PALM2AKAP2: variants seen among roughly 807,000 people sequenced by gnomAD.
PALM2AKAP2 encodes the protein PALM2 and AKAP2 fusion, also known as PALM2-AKAP2 fusion protein.
Under a neutral mutation model 71.5 loss-of-function variants are expected in PALM2AKAP2, and 37 were observed. That is an observed-to-expected ratio of 0.52 (90% CI 0.40 to 0.68). The LOEUF (loss-of-function observed/expected upper bound fraction) is 0.68, where lower values mean the gene tolerates loss of function less well. Among genes scored for constraint, PALM2AKAP2 ranks in the 30% least tolerant of loss-of-function variants. The pLI, the probability that PALM2AKAP2 is intolerant of heterozygous loss-of-function variation, is 0.00. For missense variants in PALM2AKAP2, 1,224 were observed against 1,191.8 expected (o/e 1.03, Z -0.40); for synonymous variants, 468 against 478.8 (o/e 0.98, Z 0.29).
intron 1 of PALM2AKAP2, among the ~76,000 whole-genome samples, chr9:110,113,691 C>T (rs1241290476): frequency 1.3e-5 from 2 of 152,068 alleles, no homozygotes; most frequent in South Asian, 2.1e-4. Flanking sequence ...GCCACCACAA[C>T]AGGCTAATTT....
At chr9:110,046,146 A>T (rs1833592945), upstream of PALM2AKAP2, among the ~76,000 whole-genome samples, 1 of 152,232 alleles carries the variant, frequency 6.6e-6, no homozygotes. Context: ...AATTAAAAAC[A>T]GTGTTTACTT....
intron 1 of PALM2AKAP2, among the ~76,000 whole-genome samples, chr9:109,829,950 G>A (rs1564168285): frequency 6.6e-6 from 1 of 152,182 alleles, no homozygotes; most frequent in Admixed American, 6.5e-5. Context: ...TACTTGAATA[G>A]TGTGGGCAAT....
At chr9:110,114,883 G>T (rs1349688603) in intron 1 of PALM2AKAP2, among the ~76,000 whole-genome samples, 3 of 152,190 alleles carry the variant, frequency 2.0e-5, no homozygotes, top group Non-Finnish European at 1.5e-5. Flanking sequence ...CCACAGTCGG[G>T]CAGAGAGATT....
At chr9:109,677,667 CAAAA>C (rs33952632) in intron 1 of PALM2AKAP2, among the ~76,000 whole-genome samples, 7 of 98,640 alleles carry the variant, frequency 7.1e-5, no homozygotes, top group Non-Finnish European at 6.4e-5. Context: ...GACTCTGTCT[CAAAA>C]AAAAAAAAAA....
chr9:109,832,834 C>T (rs1828341733), intron 1 of PALM2AKAP2, among the ~76,000 whole-genome samples: 1 of 152,142 alleles, frequency 6.6e-6, no homozygotes, highest in Non-Finnish European at 1.5e-5. Flanking sequence ...TCTCTGAGCC[C>T]CACCCTCAGA....
At chr9:110,059,830 G>A (rs1833923164) in intron 1 of PALM2AKAP2, among the ~76,000 whole-genome samples, 1 of 152,200 alleles carries the variant, frequency 6.6e-6, no homozygotes, top group Non-Finnish European at 1.5e-5. Flanking sequence ...CTAGGGGGTG[G>A]AGATCATGAG....
chr9:109,867,397 C>T, intron 1 of PALM2AKAP2, 94 bp from the exon 2 acceptor site: 1 of 1,426,074 alleles, frequency 7.0e-7, no homozygotes, highest in Non-Finnish European at 9.7e-7. Flanking sequence ...AGTGTCTATA[C>T]AGATGTGTGC....
At chr9:109,943,549 A>G in intron 6 of PALM2AKAP2, 1 of 1,337,502 alleles carries the variant, frequency 7.5e-7, no homozygotes, top group Non-Finnish European at 1.0e-6. Context: ...TTGCAGTTGA[A>G]TTGCTTTGAT....
intron 1 of PALM2AKAP2, among the ~76,000 whole-genome samples, chr9:109,667,145 A>G (rs1042899861): frequency 2.6e-5 from 4 of 152,186 alleles, no homozygotes; most frequent in Non-Finnish European, 5.9e-5. Flanking sequence ...TTGAAGATTC[A>G]TAGGCCCTCC....
intron 1 of PALM2AKAP2, among the ~76,000 whole-genome samples, chr9:109,808,153 A>G (rs1827630594): frequency 6.6e-6 from 1 of 152,206 alleles, no homozygotes. Context: ...ATACCTGAAA[A>G]TGTGGAAGCA....
At chr9:109,701,256 A>G (rs1828050928) in intron 1 of PALM2AKAP2, among the ~76,000 whole-genome samples, 1 of 152,182 alleles carries the variant, frequency 6.6e-6, no homozygotes, top group Non-Finnish European at 1.5e-5. Flanking sequence ...TAAAGTTCAT[A>G]TGGAACCAAA....
chr9:109,692,259 T>C (rs1827909862), intron 1 of PALM2AKAP2, among the ~76,000 whole-genome samples: 1 of 151,908 alleles, frequency 6.6e-6, no homozygotes, highest in Non-Finnish European at 1.5e-5. Context: ...TAGTTGGTAC[T>C]ACCTAGATAT....
At position 109,660,411 on chromosome 9, in the gene PALM2AKAP2, T is replaced by C. The variant is rs373608369; in HGVS notation, c.5+19545T>C. The stretch of plus-strand genomic sequence containing the variant: ...CCACCCAGTGTCCAAGTAATCTCAT[T>C]GTTCAGTTCCCACCTGTGAGTGAGA... On this transcript the variant is annotated intron_variant, in intron 1 of 6. Transcript: ENST00000374531. 5.9e-5 allele frequency among the ~76,000 whole-genome samples: 9 copies of C among 152,214 alleles called. No individual in the cohort carries two copies. In the East Asian group the frequency reaches 1.7e-3, roughly 30 times the overall value.
intron 2 of PALM2AKAP2, among the ~76,000 whole-genome samples, chr9:109,868,079 A>G (rs765174484): frequency 6.6e-6 from 1 of 152,194 alleles, no homozygotes; most frequent in Non-Finnish European, 1.5e-5. Context: ...CATTTATTTT[A>G]TTTGTACTTT....
intron 1 of PALM2AKAP2, among the ~76,000 whole-genome samples, chr9:110,110,202 A>G (rs937380981): frequency 6.6e-6 from 1 of 152,180 alleles, no homozygotes; most frequent in Admixed American, 6.5e-5. Flanking sequence ...CCATAAATGT[A>G]TACACTTCTT....
At chr9:109,988,131 T>C (rs4978411) in intron 6 of PALM2AKAP2, among the ~76,000 whole-genome samples, 96,411 of 152,136 alleles carry the variant, frequency 0.63, 31,983 homozygotes, top group East Asian at 0.77. Context: ...ATAGTACCAA[T>C]CTGCAGTCTA....
At chr9:110,138,990 C>T (rs1375846308) in intron 2 of PALM2AKAP2, among the ~76,000 whole-genome samples, 3 of 152,192 alleles carry the variant, frequency 2.0e-5, no homozygotes, top group Non-Finnish European at 2.9e-5. Context: ...CTTCTGAATG[C>T]TGGTTTCCTT....
chr9:110,105,493 C>CTTTA (rs1835097333), intron 1 of PALM2AKAP2, among the ~76,000 whole-genome samples: 1 of 152,158 alleles, frequency 6.6e-6, no homozygotes, highest in South Asian at 2.1e-4. Flanking sequence ...AAAGGACTCC[C>CTTTA]ATTACTTATC....
At chr9:109,821,844 T>C (rs1249602522) in intron 1 of PALM2AKAP2, among the ~76,000 whole-genome samples, 2 of 152,178 alleles carry the variant, frequency 1.3e-5, no homozygotes. Flanking sequence ...TGTAAACTGA[T>C]CTTCTTGTGT....
Sources: gnomAD v4.1 joint callset for allele counts (sites outside exome capture counted in the v4.1 genomes callset) on GRCh38, gnomAD v4.1.1 for gene constraint, MANE v1.5 for transcripts, NCBI Gene and HGNC (gene_info 2026-07-23, HGNC 2026-07-21) for gene names.